The following GRM8 variants were observed in gnomAD, a reference collection of about 807,000 sequenced individuals.
The protein encoded by GRM8 is glutamate metabotropic receptor 8, also known as metabotropic glutamate receptor 8.
Under a neutral mutation model 87.2 loss-of-function variants are expected in GRM8, and 47 were observed. That is an observed-to-expected ratio of 0.54 (90% CI 0.43 to 0.69). The LOEUF is 0.69. GRM8 is among the 30% of genes least tolerant of loss of function. The pLI, the probability that GRM8 is intolerant of heterozygous loss-of-function variation, is 0.00. For synonymous variants in GRM8, 396 were observed against 404.5 expected (o/e 0.98, Z 0.25); for missense variants, 1,019 against 1,139.2 (o/e 0.89, Z 1.52).
At chr7:126,947,009 A>G (rs1019315904) in intron 3 of GRM8, among the ~76,000 whole-genome samples, 2 of 152,196 alleles carry the variant, frequency 1.3e-5, no homozygotes, top group Non-Finnish European at 2.9e-5. Context: ...TATCTGGAAG[A>G]TGTGTCCTTC....
At chr7:126,900,047 G>T (rs1801916426) in intron 6 of GRM8, among the ~76,000 whole-genome samples, 1 of 151,976 alleles carries the variant, frequency 6.6e-6, no homozygotes, top group African/African-American at 2.4e-5. Context: ...GTCCTTTCCT[G>T]GTTCCTGCCC....
At position 126,964,393 on chromosome 7, in the gene GRM8, A is replaced by C. The variant is rs752611188; in HGVS notation, c.728-59710T>G. 2.0e-5 allele frequency among the ~76,000 whole-genome samples: 3 copies of C among 152,310 alleles called. No homozygotes were observed. In the South Asian group the frequency reaches 6.2e-4, roughly 32 times the overall value. On this transcript the variant is annotated intron_variant, in intron 3 of 10. Transcript: ENST00000339582. ...ACAGGCAGCCTACAGAATGGGAAAA[A>C]ATTTTTGCAATCTACTCATCTAACA...
intron 3 of GRM8, among the ~76,000 whole-genome samples, chr7:126,999,352 T>C (rs79337313): frequency 0.01 from 1,534 of 151,756 alleles, 18 homozygotes; most frequent in Middle Eastern, 0.058. Context: ...TGAATAATAC[T>C]GCACAAGCAC....
At chr7:126,465,432 T>C (rs558782945) in intron 9 of GRM8, 1 of 151,808 alleles carries the variant, frequency 6.6e-6, no homozygotes, top group East Asian at 1.9e-4. Flanking sequence ...CGGTATTTGA[T>C]ATCTTTATAA....
chr7:126,581,497 C>A (rs1375925492), intron 8 of GRM8, among the ~76,000 whole-genome samples: 1 of 152,090 alleles, frequency 6.6e-6, no homozygotes, highest in Non-Finnish European at 1.5e-5. Context: ...TGAATAAGTT[C>A]ATGCCTGTGA....
intron 2 of GRM8, among the ~76,000 whole-genome samples, chr7:127,192,544 A>G (rs1440588032): frequency 1.3e-5 from 2 of 152,206 alleles, no homozygotes; most frequent in African/African-American, 4.8e-5. Flanking sequence ...CTTTATCACG[A>G]GTCTCAGGGA....
intron 9 of GRM8, among the ~76,000 whole-genome samples, chr7:126,471,052 G>A (rs1388248821): frequency 6.6e-6 from 1 of 152,234 alleles, no homozygotes; most frequent in East Asian, 1.9e-4. Context: ...GTTTTTTCTT[G>A]TAAATTTGTT....
At chr7:126,941,919 T>G (rs2131540065) in intron 3 of GRM8, among the ~76,000 whole-genome samples, 1 of 152,314 alleles carries the variant, frequency 6.6e-6, no homozygotes, top group South Asian at 2.1e-4. Context: ...AACCAGAAAC[T>G]TTCTCTTTCT....
At chr7:126,626,882 G>T (rs932126179) in intron 7 of GRM8, among the ~76,000 whole-genome samples, 1 of 152,188 alleles carries the variant, frequency 6.6e-6, no homozygotes, top group Non-Finnish European at 1.5e-5. Flanking sequence ...ATGTAGAACC[G>T]TCTTAATAAT....
At chr7:126,547,701 G>T (rs189726258) in intron 8 of GRM8, among the ~76,000 whole-genome samples, 1 of 151,718 alleles carries the variant, frequency 6.6e-6, no homozygotes, top group Admixed American at 6.6e-5. Context: ...AAGCAAATAG[G>T]GAGTTGGAAT....
intron 8 of GRM8, among the ~76,000 whole-genome samples, chr7:126,542,271 A>G (rs976187833): frequency 6.6e-6 from 1 of 152,222 alleles, no homozygotes; most frequent in African/African-American, 2.4e-5. Flanking sequence ...GCATAGTCAA[A>G]AGATACCTCA....
chr7:126,825,992 T>G lies in GRM8; in HGVS notation c.1157-55927A>C, dbSNP rs147657719. On this transcript the variant is annotated intron_variant, in intron 6 of 10. Coordinates refer to ENST00000339582, the MANE Select transcript of GRM8 (RefSeq NM_000845.3). ...AGTGTTTAGTTTTTTGTCCTTGCGA[T>G]AGTTTACTGAGAATGATGATTTCCA... Among the ~76,000 whole-genome samples the G allele has an allele frequency of 5.2e-3, 788 of 152,204 alleles. 21 individuals are homozygous for G. In the East Asian group the frequency reaches 0.071, roughly 14 times the overall value.
rs574094869 is a variant in GRM8, at chr7:126,508,227, A to G, written c.2430+24725T>C. On this transcript the variant is annotated intron_variant, in intron 9 of 10. Coordinates refer to ENST00000339582, the MANE Select transcript of GRM8 (RefSeq NM_000845.3). ...ATAATAGAATACCACAGACTGGGTA[A>G]TTTATCAAAACACACACACACTGGC... is the stretch of plus-strand genomic sequence containing the variant. Among the ~76,000 whole-genome samples the G allele has an allele frequency of 4.3e-5, 6 of 139,114 alleles. No homozygotes were observed. The South Asian group carries it at 1.4e-3, about 33-fold the overall frequency. The allele number at this position is 139,114 out of a possible 152,430, so 91.3% of individuals were successfully genotyped here.
At chr7:127,074,517 A>G (rs1366556383) in intron 3 of GRM8, among the ~76,000 whole-genome samples, 1 of 152,184 alleles carries the variant, frequency 6.6e-6, no homozygotes, top group Non-Finnish European at 1.5e-5. Flanking sequence ...AGCTTTGTAT[A>G]TCCAGCAACT....
At chr7:126,497,425 C>G (rs1808925333) in intron 9 of GRM8, among the ~76,000 whole-genome samples, 1 of 151,928 alleles carries the variant, frequency 6.6e-6, no homozygotes, top group Admixed American at 6.6e-5. Flanking sequence ...TGACATCTAA[C>G]TTGGCATTTT....
At chr7:126,620,971 A>G (rs182480815) in intron 7 of GRM8, among the ~76,000 whole-genome samples, 10 of 152,240 alleles carry the variant, frequency 6.6e-5, no homozygotes, top group East Asian at 1.9e-4. Flanking sequence ...ATCACTGCCT[A>G]AACTATTGGA....
chr7:126,566,769 G>A (rs1482410430), intron 8 of GRM8, among the ~76,000 whole-genome samples: 4 of 152,126 alleles, frequency 2.6e-5, no homozygotes, highest in Non-Finnish European at 5.9e-5. Context: ...TCAAGATGTG[G>A]AAACAATCTA....
At chr7:127,180,478 C>T (rs73455165) in intron 2 of GRM8, among the ~76,000 whole-genome samples, 290 of 151,974 alleles carry the variant, frequency 1.9e-3, no homozygotes, top group African/African-American at 6.6e-3. Flanking sequence ...GAAAGAAGGA[C>T]TCCTCCTTAA....
intron 7 of GRM8, among the ~76,000 whole-genome samples, chr7:126,760,859 T>C (rs1817516829): frequency 1.3e-5 from 2 of 152,170 alleles, no homozygotes; most frequent in African/African-American, 4.8e-5. Context: ...ATGTTTTATG[T>C]CAATTTTTCC....
Sources: gnomAD v4.1 joint callset for allele counts (sites outside exome capture counted in the v4.1 genomes callset) on GRCh38, gnomAD v4.1.1 for gene constraint, MANE v1.5 for transcripts, NCBI Gene and HGNC (gene_info 2026-07-23, HGNC 2026-07-21) for gene names.